The following SAMMSON variants were observed in gnomAD, a reference collection of about 807,000 sequenced individuals.
The protein encoded by SAMMSON is long intergenic non-protein coding RNA 1212.
chr3:70,210,809 C>A (rs1307890408), intron 4 of SAMMSON, among the ~76,000 whole-genome samples: 1 of 151,936 alleles, frequency 6.6e-6, no homozygotes, highest in African/African-American at 2.4e-5. Context: ...GAATGTTAAA[C>A]AGTTTGGGCT....
At chr3:70,326,583 A>G (rs145299430) in intron 7 of SAMMSON, among the ~76,000 whole-genome samples, 1 of 152,264 alleles carries the variant, frequency 6.6e-6, no homozygotes, top group East Asian at 1.9e-4. Context: ...TCCAGTGGCC[A>G]TCTCTTATAT....
chr3:70,045,935 G>A (rs990974157), intron 3 of SAMMSON, among the ~76,000 whole-genome samples: 4 of 152,008 alleles, frequency 2.6e-5, no homozygotes, highest in African/African-American at 4.8e-5. Context: ...GTCAGCTAAC[G>A]AGAAACGCAA....
chr3:70,142,871 A>C (rs1178716041), intron 4 of SAMMSON, among the ~76,000 whole-genome samples: 1 of 152,154 alleles, frequency 6.6e-6, no homozygotes, highest in African/African-American at 2.4e-5. Flanking sequence ...TCAGTGAAGC[A>C]CCTGTACAAA....
intron 4 of SAMMSON, among the ~76,000 whole-genome samples, chr3:70,227,469 A>C (rs1214680396): frequency 6.6e-6 from 1 of 152,218 alleles, no homozygotes; most frequent in Non-Finnish European, 1.5e-5. Flanking sequence ...GACTTTGGCA[A>C]TATGGAGGTC....
chr3:70,173,637 A>G (rs993733024), intron 4 of SAMMSON, among the ~76,000 whole-genome samples: 3 of 151,844 alleles, frequency 2.0e-5, no homozygotes, highest in Admixed American at 1.3e-4. Context: ...TTTTAAAAAC[A>G]TTTTTCCCTG....
At chr3:70,303,202 G>A (rs943189711) in intron 7 of SAMMSON, among the ~76,000 whole-genome samples, 1 of 152,016 alleles carries the variant, frequency 6.6e-6, no homozygotes, top group Admixed American at 6.6e-5. Context: ...ACATTATGTT[G>A]GGGCCACACA....
chr3:70,134,255 A>G (rs1180279638), intron 4 of SAMMSON, among the ~76,000 whole-genome samples: 1 of 134,026 alleles, frequency 7.5e-6, no homozygotes, highest in Non-Finnish European at 1.6e-5. Flanking sequence ...ACGAGATTCC[A>G]TCTCAAAAAA....
intron 4 of SAMMSON, among the ~76,000 whole-genome samples, chr3:70,084,980 G>A (rs1233051888): frequency 2.0e-5 from 3 of 152,170 alleles, no homozygotes; most frequent in Admixed American, 1.3e-4. Context: ...GAAACAAGAT[G>A]TCTTACCTCA....
intron 4 of SAMMSON, among the ~76,000 whole-genome samples, chr3:70,162,446 CA>C (rs1319967300): frequency 1.3e-5 from 2 of 151,672 alleles, no homozygotes; most frequent in African/African-American, 4.8e-5. Context: ...GTGGACTTTA[CA>C]ATTTTTTTTT....
chr3:70,371,093 T>C (rs948773562), intron 9 of SAMMSON, among the ~76,000 whole-genome samples: 2 of 152,170 alleles, frequency 1.3e-5, no homozygotes, highest in Non-Finnish European at 1.5e-5. Context: ...ATGTAAGTCC[T>C]TGTCAGCTTT....
At chr3:70,366,851 T>C (rs1702924631) in intron 9 of SAMMSON, among the ~76,000 whole-genome samples, 2 of 151,912 alleles carry the variant, frequency 1.3e-5, no homozygotes, top group South Asian at 2.1e-4. Context: ...TCCTATTATA[T>C]TTTGAATTAT....
At chr3:70,181,010 C>G (rs1014409023) in intron 4 of SAMMSON, among the ~76,000 whole-genome samples, 2 of 152,072 alleles carry the variant, frequency 1.3e-5, no homozygotes, top group African/African-American at 4.8e-5. Flanking sequence ...AGGCCTTGCA[C>G]GGGGTCAGAT....
At chr3:70,172,358 C>A (rs1049483226) in intron 4 of SAMMSON, 2 of 151,168 alleles carry the variant, frequency 1.3e-5, no homozygotes, top group African/African-American at 4.9e-5. Context: ...GTTTATGGTC[C>A]CACCTGCATC....
chr3:70,013,414 T>C (rs1328762540), intron 2 of SAMMSON: 2 of 152,170 alleles, frequency 1.3e-5, no homozygotes, highest in African/African-American at 4.8e-5. Context: ...GCTTTATGAA[T>C]TGTAGTCAAT....
intron 3 of SAMMSON, among the ~76,000 whole-genome samples, chr3:70,035,058 A>C (rs1262965527): frequency 1.3e-5 from 2 of 152,122 alleles, no homozygotes; most frequent in African/African-American, 4.8e-5. Flanking sequence ...GGATCTCATA[A>C]AGCCCAAATT....
At chr3:70,349,588 A>C (rs775833044) in intron 7 of SAMMSON, among the ~76,000 whole-genome samples, 2 of 152,176 alleles carry the variant, frequency 1.3e-5, no homozygotes, top group Non-Finnish European at 2.9e-5. Context: ...AGGAGGAAAA[A>C]TAACTTTCTA....
intron 2 of SAMMSON, among the ~76,000 whole-genome samples, chr3:70,415,891 T>C (rs1311861869): frequency 1.3e-5 from 2 of 152,188 alleles, no homozygotes; most frequent in African/African-American, 4.8e-5. Context: ...ATCTTTTAGT[T>C]TACATTTCAC....
chr3:70,253,215 T>C (rs1370582070), intron 6 of SAMMSON, among the ~76,000 whole-genome samples: 1 of 152,210 alleles, frequency 6.6e-6, no homozygotes, highest in Non-Finnish European at 1.5e-5. Flanking sequence ...GGTCAGTCCT[T>C]ACTGAGAAGG....
intron 4 of SAMMSON, among the ~76,000 whole-genome samples, chr3:70,076,213 G>T (rs1261974030): frequency 6.6e-6 from 1 of 152,018 alleles, no homozygotes; most frequent in East Asian, 1.9e-4. Flanking sequence ...GAAATTTAGG[G>T]TGAGGGTGGC....
Sources: gnomAD v4.1 joint callset for allele counts (sites outside exome capture counted in the v4.1 genomes callset) on GRCh38, gnomAD v4.1.1 for gene constraint, MANE v1.5 for transcripts, NCBI Gene and HGNC (gene_info 2026-07-23, HGNC 2026-07-21) for gene names.